The following AJAP1 variants were observed in gnomAD, a reference collection of about 807,000 sequenced individuals.
AJAP1 encodes adherens junctions associated protein 1.
A neutral mutation model predicts 35.0 loss-of-function variants in AJAP1; 5 were observed. The ratio of observed to expected loss-of-function variants is 0.14; its 90% CI spans 0.07 to 0.30. AJAP1 has a LOEUF of 0.30. AJAP1 is among the 10% of genes least tolerant of loss of function. The pLI, the probability that AJAP1 is intolerant of heterozygous loss-of-function variation, is 1.00. For synonymous variants in AJAP1, 284 were observed against 249.3 expected (o/e 1.14, Z -1.31); for missense variants, 586 against 571.0 (o/e 1.03, Z -0.27).
At chr1:4,668,354 G>C (rs1375106035) in intron 1 of AJAP1, among the ~76,000 whole-genome samples, 1 of 152,160 alleles carries the variant, frequency 6.6e-6, no homozygotes, top group Non-Finnish European at 1.5e-5. Context: ...GTGTGTGTGT[G>C]TGTGTGTCTG....
At chr1:4,767,718 C>CCACCAT (rs1161611144) in intron 2 of AJAP1, among the ~76,000 whole-genome samples, 2 of 151,412 alleles carry the variant, frequency 1.3e-5, no homozygotes, top group East Asian at 1.9e-4. Flanking sequence ...ACCATCATCA[C>CCACCAT]CACCATCACC....
chr1:4,689,310 G>C (rs554214023), intron 1 of AJAP1, among the ~76,000 whole-genome samples: 4 of 152,182 alleles, frequency 2.6e-5, no homozygotes, highest in African/African-American at 9.7e-5. Flanking sequence ...AGGGTTGCCC[G>C]ATTAACAACT....
intron 2 of AJAP1, among the ~76,000 whole-genome samples, chr1:4,767,374 G>A (rs111763976): frequency 0.13 from 19,065 of 147,304 alleles, 1,511 homozygotes; most frequent in Middle Eastern, 0.25. Context: ...TATTACCATC[G>A]TCACCATCAC....
chr1:4,744,441 G>A (rs1641141412), intron 2 of AJAP1, among the ~76,000 whole-genome samples: 1 of 152,206 alleles, frequency 6.6e-6, no homozygotes, highest in African/African-American at 2.4e-5. Context: ...GTGCTGTGGG[G>A]AGAGGCCTCG....
intron 1 of AJAP1, among the ~76,000 whole-genome samples, chr1:4,675,892 C>T (rs962756495): frequency 3.9e-5 from 6 of 152,220 alleles, no homozygotes; most frequent in South Asian, 2.1e-4. Context: ...GTTTCTCTCC[C>T]GCTAAGGAAG....
rs1454908510 is a variant in AJAP1 at position 4,693,095 on chromosome 1, C to T, written c.30-18805C>T. Reference sequence around the variant, plus strand: ...TTTCCTGGAAGCCACCCTTCCCTCACCATGGCCCAGGGAGGTTGACAGGGC... The same window carrying T: ...TTTCCTGGAAGCCACCCTTCCCTCATCATGGCCCAGGGAGGTTGACAGGGC... On this transcript the variant is annotated intron_variant, in intron 1 of 5. Coordinates refer to ENST00000378191, the MANE Select transcript of AJAP1 (RefSeq NM_018836.4). This position sits in a 1 kb window ranked among gnomAD's most constrained non-coding sequence, Gnocchi z 4.4. Among the ~76,000 whole-genome samples, 1 of 152,204 alleles carries T rather than the reference C, an allele frequency of 6.6e-6. No individual in the cohort carries two copies. Among genetic ancestry groups the T allele is most frequent in the Non-Finnish European group, 1.5e-5 (1 of 68,048 alleles).
At chr1:4,658,734 G>C (rs921525616) in intron 1 of AJAP1, among the ~76,000 whole-genome samples, 3 of 152,210 alleles carry the variant, frequency 2.0e-5, no homozygotes, top group Non-Finnish European at 4.4e-5. Context: ...TCCTCCCAGT[G>C]TGTCCCTGTT....
chr1:4,691,395 G>A lies in AJAP1; in HGVS notation c.30-20505G>A, dbSNP rs529538738. On this transcript the variant is annotated intron_variant, in intron 1 of 5. Transcript: ENST00000378191. The stretch of plus-strand genomic sequence containing the variant: ...CACAGAGTCTGTGGAGGCTGTGGAC[G>A]AGGTGCCCTGTGCTTCTGTCGTCAG... Among the ~76,000 whole-genome samples, 9 of 152,362 alleles carry A rather than the reference G, an allele frequency of 5.9e-5. No homozygotes were observed. The South Asian group carries it at 6.2e-4, about 11-fold the overall frequency.
chr1:4,733,689 G>T (rs2100302475), intron 2 of AJAP1, among the ~76,000 whole-genome samples: 1 of 151,866 alleles, frequency 6.6e-6, no homozygotes, highest in Admixed American at 6.6e-5. Context: ...GGAGGATTCG[G>T]TTCATCCTGA....
intron 1 of AJAP1, among the ~76,000 whole-genome samples, chr1:4,683,235 G>T (rs1189347420): frequency 6.6e-6 from 1 of 152,224 alleles, no homozygotes; most frequent in African/African-American, 2.4e-5. Flanking sequence ...AGAGTAAAAT[G>T]ATTAATGCCA....
intron 1 of AJAP1, among the ~76,000 whole-genome samples, chr1:4,707,469 T>C (rs1411035419): frequency 6.6e-6 from 1 of 152,102 alleles, no homozygotes; most frequent in Non-Finnish European, 1.5e-5. Flanking sequence ...TCTCTGTGGA[T>C]TTGGTCACTC....
chr1:4,773,230 A>C (rs546462972), intron 4 of AJAP1, among the ~76,000 whole-genome samples: 1 of 152,326 alleles, frequency 6.6e-6, no homozygotes, highest in South Asian at 2.1e-4. Flanking sequence ...GCTGGGATCC[A>C]TTGTGAGCAA....
intron 1 of AJAP1, among the ~76,000 whole-genome samples, chr1:4,705,834 G>T (rs1266737070): frequency 6.6e-6 from 1 of 152,096 alleles, no homozygotes; most frequent in Admixed American, 6.5e-5. Context: ...ATGCCACGTG[G>T]TATTCTGGAT....
intron 2 of AJAP1, among the ~76,000 whole-genome samples, chr1:4,713,816 C>G (rs969576439): frequency 2.0e-5 from 3 of 152,254 alleles, no homozygotes; most frequent in Non-Finnish European, 2.9e-5. Context: ...CCTGTGGCCT[C>G]CTCACAGCTT....
At chr1:4,729,588 G>GTCCTC (rs1372878151) in intron 2 of AJAP1, among the ~76,000 whole-genome samples, 8 of 152,352 alleles carry the variant, frequency 5.3e-5, no homozygotes, top group South Asian at 4.1e-4. Context: ...GTGAGAATCT[G>GTCCTC]TCTCCACCCG....
chr1:4,728,807 C>T (rs1269349357), intron 2 of AJAP1, among the ~76,000 whole-genome samples: 1 of 152,202 alleles, frequency 6.6e-6, no homozygotes, highest in Non-Finnish European at 1.5e-5. Context: ...GTTTTCCCTC[C>T]ACCCTGGGCC....
In AJAP1 at chr1:4,735,152, C is replaced by G. The variant is rs1640889625; in HGVS notation, c.829+22453C>G. Among the ~76,000 whole-genome samples the G allele has an allele frequency of 3.9e-5, 6 of 152,258 alleles. No individual in the cohort carries two copies. The South Asian group carries it at 1.2e-3, about 31-fold the overall frequency. ...CACCAGCGGCAGGAGCACACCCTTACAAAAGCCTGCCACAGCACGCAAGGC... is the reference window on the plus strand; with the variant it reads ...CACCAGCGGCAGGAGCACACCCTTAGAAAAGCCTGCCACAGCACGCAAGGC... On this transcript the variant is annotated intron_variant, in intron 2 of 5. Coordinates refer to ENST00000378191, the MANE Select transcript of AJAP1 (RefSeq NM_018836.4).
At chr1:4,715,874 G>A (rs1640377440) in intron 2 of AJAP1, among the ~76,000 whole-genome samples, 1 of 152,192 alleles carries the variant, frequency 6.6e-6, no homozygotes, top group African/African-American at 2.4e-5. Context: ...CAGGGACTTG[G>A]GAGTTTTATC....
At chr1:4,792,520 G>GAAAAAAAAAAAAAAAAAAGA (rs5772183) in exon 6 of AJAP1, 1 of 129,842 alleles carries the variant, frequency 7.7e-6, no homozygotes, top group Non-Finnish European at 1.6e-5. Context: ...AACATAATAT[G>GAAAAAAAAAAAAAAAAAAGA]AAAAAAAAAA....
Sources: allele counts gnomAD v4.1 joint callset (sites outside exome capture counted in the v4.1 genomes callset), GRCh38; gene constraint gnomAD v4.1.1; non-coding constraint Gnocchi (gnomAD v3.1); transcripts MANE v1.5; gene names NCBI Gene and HGNC (gene_info 2026-07-23, HGNC 2026-07-21).